Variants in PREPL observed in about 807,000 individuals in gnomAD.
PREPL encodes the protein prolyl endopeptidase like.
Under a neutral mutation model 70.6 loss-of-function variants are expected in PREPL, and 77 were observed. The observed-to-expected ratio is 1.09, with a 90% CI of 0.91 to 1.32. The LOEUF (loss-of-function observed/expected upper bound fraction) is 1.32, where lower values mean the gene tolerates loss of function less well. Ranked by LOEUF, PREPL falls within the 40% of genes most tolerant of loss-of-function variation. PREPL has a pLI of 0.00. For synonymous variants in PREPL, 315 were observed against 264.8 expected (o/e 1.19, Z -1.84); for missense variants, 1,002 against 778.2 (o/e 1.29, Z -3.42).
chr2:44,346,197 C>T, intron 2 of PREPL, 71 bp downstream of exon 2: 1 of 1,416,708 alleles, frequency 7.1e-7, no homozygotes, highest in Non-Finnish European at 9.8e-7. Context: ...GTCTCTAAAT[C>T]ACCAAGTATC....
At chr2:44,329,701 G>A (rs1028143028) in intron 8 of PREPL, among the ~76,000 whole-genome samples, 4 of 151,880 alleles carry the variant, frequency 2.6e-5, no homozygotes, top group Non-Finnish European at 4.4e-5. Context: ...AAAATTTTTC[G>A]GTAAAATTCT....
chr2:44,339,201 G>A lies in PREPL; in HGVS notation c.648C>T (p.His216=), dbSNP rs1449053892. 6.2e-7 allele frequency: 1 copy of A among 1,613,934 alleles called. No homozygotes were observed. Among genetic ancestry groups the A allele is most frequent in the Non-Finnish European group, 8.5e-7 (1 of 1,179,964 alleles). The change falls in exon 6 of 14, where the codon CAC becomes CAT. Residue 216 remains histidine, a synonymous_variant. Coordinates refer to ENST00000409411, the MANE Select transcript of PREPL (RefSeq NM_001171613.2). The part of the protein sequence containing the change: ...RIHGVLYYVE[H]RDDELYILTN... Reference sequence around the variant, plus strand: ...TGAGAATGTATAATTCATCATCTCTGTGTTCAACATAGTAAAGGACCCCAT... The same window carrying A: ...TGAGAATGTATAATTCATCATCTCTATGTTCAACATAGTAAAGGACCCCAT...
chr2:44,342,620 AGC>A, intron 4 of PREPL, 68 bp from the exon 5 acceptor site: 1 of 1,212,226 alleles, frequency 8.2e-7, no homozygotes, highest in Non-Finnish European at 1.2e-6. Context: ...AAAAAAGCAC[AGC>A]ACATTCTAAT....
At chr2:44,354,154 TCAA>T (rs965131528) in intron 1 of PREPL, among the ~76,000 whole-genome samples, 54 of 151,878 alleles carry the variant, frequency 3.6e-4, no homozygotes, top group African/African-American at 9.9e-4. Context: ...AGGCCCTCTC[TCAA>T]CAACAACAAC....
intron 5 of PREPL, among the ~76,000 whole-genome samples, chr2:44,342,126 A>G (rs1558505870): frequency 6.6e-6 from 1 of 152,198 alleles, no homozygotes; most frequent in African/African-American, 2.4e-5. Context: ...TCTGTTCACA[A>G]TCTAGCAGTT....
At chr2:44,340,722 G>A (rs1675120964) in intron 5 of PREPL, among the ~76,000 whole-genome samples, 1 of 152,108 alleles carries the variant, frequency 6.6e-6, no homozygotes, top group African/African-American at 2.4e-5. Flanking sequence ...GAGATCAGGA[G>A]TTCAAGACCA....
At chr2:44,356,976 T>C (rs1417789983) in intron 1 of PREPL, among the ~76,000 whole-genome samples, 1 of 152,154 alleles carries the variant, frequency 6.6e-6, no homozygotes, top group Admixed American at 6.5e-5. Flanking sequence ...AGCTAATTTT[T>C]AGTCTTTTTG....
Position 44,318,436 on chromosome 2 carries a change from T to C in PREPL, c.*2920A>G, listed in dbSNP as rs913248052. 11 of 181,370 alleles carry C rather than the reference T, an allele frequency of 6.1e-5. No homozygotes were observed. The highest frequency in any genetic ancestry group is 1.3e-4 in the Non-Finnish European group (11 of 84,828). 11.2% of individuals were successfully genotyped at this position (181,370 alleles called of 1,614,324 possible). A position where few individuals can be genotyped will look rare whatever the true frequency, so the allele number is the denominator to read the frequency against. ...GAAGACACAAGAAATGATTTAAATA[T>C]TTTATCAACAGAAAACCAGTTCTAT... On this transcript the variant is annotated 3_prime_UTR_variant, in exon 14 of 14. Coordinates refer to ENST00000409411, the MANE Select transcript of PREPL (RefSeq NM_001171613.2).
intron 6 of PREPL, 28 bp from the exon 7 acceptor site, chr2:44,338,564 T>C (rs781558933): frequency 1.2e-5 from 19 of 1,562,878 alleles, no homozygotes; most frequent in Middle Eastern, 1.7e-4. Flanking sequence ...AGAAGACATA[T>C]AGGTAAGAAA....
chr2:44,356,412 G>C (rs1677050587), intron 1 of PREPL: 1 of 152,272 alleles, frequency 6.6e-6, no homozygotes, highest in African/African-American at 2.4e-5. Context: ...TGGGCATGGT[G>C]GTGGACGCCT....
rs1455948666 is a variant in PREPL at position 44,330,769 on chromosome 2, G to A, written c.1087-1657C>T. 2.0e-5 allele frequency among the ~76,000 whole-genome samples: 3 copies of A among 152,090 alleles called. No individual in the cohort carries two copies. In the East Asian group the frequency reaches 5.8e-4, roughly 29 times the overall value. The stretch of plus-strand genomic sequence containing the variant: ...AGTCTGAGGTTTCCTTAAATTCAAG[G>A]CTATAGTTTACATATTAATTTGTTC... On this transcript the variant is annotated intron_variant, in intron 8 of 13. Transcript: ENST00000409411.
rs1315498243 is a variant in PREPL at position 44,320,490 on chromosome 2, G to A, written c.*866C>T. ...CAAAGGCAGTAAAGTTGATACAAGT[G>A]GCATTTTTCTGGACAAGGGAGAGGG... is the stretch of plus-strand genomic sequence containing the variant. On this transcript the variant is annotated 3_prime_UTR_variant, in exon 14 of 14. Transcript: ENST00000409411. The A allele has an allele frequency of 2.5e-6, 4 of 1,614,124 alleles. No individual in the cohort carries two copies. The South Asian group carries it at 4.4e-5, about 18-fold the overall frequency.
intron 1 of PREPL, chr2:44,360,620 T>C (rs1326848194): frequency 6.6e-6 from 1 of 152,222 alleles, no homozygotes; most frequent in Non-Finnish European, 1.5e-5. Context: ...CAGAGAGACC[T>C]GGGTTGAGGT....
Position 44,346,412 on chromosome 2 carries a change from T to A in PREPL, c.-48-22A>T, listed in dbSNP as rs1381632039. 5 of 1,605,264 alleles carry A rather than the reference T, an allele frequency of 3.1e-6. No homozygotes were observed. In the South Asian group the frequency reaches 4.5e-5, roughly 14 times the overall value. ...GATCCTGGAAAAAGTTTTGTTATGA[T>A]CAAAATATTTCAAACTAGGGAAAAA... is the stretch of plus-strand genomic sequence containing the variant. On this transcript the variant is annotated intron_variant, in intron 1 of 13. Coordinates refer to ENST00000409411, the MANE Select transcript of PREPL (RefSeq NM_001171613.2).
At chr2:44,325,623 T>C (rs1398570917) in intron 10 of PREPL, among the ~76,000 whole-genome samples, 3 of 152,204 alleles carry the variant, frequency 2.0e-5, no homozygotes, top group African/African-American at 7.2e-5. Flanking sequence ...AGTCAAAATC[T>C]AGTTGCTTTG....
At position 44,318,009 on chromosome 2, in the gene PREPL, A is replaced by C. The variant is rs1241952494; in HGVS notation, c.*3347T>G. On this transcript the variant is annotated 3_prime_UTR_variant, in exon 14 of 14. Transcript: ENST00000409411. ...CTATAGCTATAAACACAAAAAATGA[A>C]GTTATCTTTTGACCTAATAATTCCA... 1 of 353,804 alleles carries C rather than the reference A, an allele frequency of 2.8e-6. No homozygotes were observed. The highest frequency in any genetic ancestry group is 1.0e-4 in the East Asian group (1 of 9,774). The allele number at this position is 353,804 out of a possible 1,614,324, so 21.9% of individuals were successfully genotyped here. A position where few individuals can be genotyped will look rare whatever the true frequency, so the allele number is the denominator to read the frequency against.
intron 1 of PREPL, among the ~76,000 whole-genome samples, chr2:44,348,135 CT>C (rs2104054201): frequency 6.6e-6 from 1 of 152,236 alleles, no homozygotes; most frequent in African/African-American, 2.4e-5. Context: ...AGCAATCTTC[CT>C]GCCTCAGCCT....
chr2:44,334,311 T>C (rs932245257), intron 7 of PREPL, among the ~76,000 whole-genome samples: 1 of 152,100 alleles, frequency 6.6e-6, no homozygotes, highest in Admixed American at 6.5e-5. Context: ...CTATAGTTAT[T>C]TCATCAAAAG....
chr2:44,338,160 A>G (rs1452471713), intron 7 of PREPL, among the ~76,000 whole-genome samples, 191 bp downstream of exon 7: 4 of 152,220 alleles, frequency 2.6e-5, no homozygotes, highest in Admixed American at 1.3e-4. Flanking sequence ...AACTGCATAA[A>G]AAGCAAGATC....
Sources: allele counts gnomAD v4.1 joint callset (sites outside exome capture counted in the v4.1 genomes callset), GRCh38; gene constraint gnomAD v4.1.1; transcripts MANE v1.5; gene names NCBI Gene and HGNC (gene_info 2026-07-23, HGNC 2026-07-21).